SCFD2: variants seen among roughly 807,000 people sequenced by gnomAD.
SCFD2 encodes the protein sec1 family domain-containing protein 2.
SCFD2 carries 54 observed loss-of-function variants against 58.9 expected under a neutral mutation model. That is an observed-to-expected ratio of 0.92 (90% CI 0.74 to 1.15). SCFD2 has a LOEUF of 1.15. Ranked by LOEUF, SCFD2 falls within the 50% of genes most tolerant of loss-of-function variation. The probability of loss-of-function intolerance (pLI) is 0.00; values close to 1 mark genes in which losing one functional copy is unlikely to be tolerated. For synonymous variants in SCFD2, 321 were observed against 335.9 expected, an observed-to-expected ratio of 0.96 and a Z score of 0.49; for missense variants, 805 against 836.6, an observed-to-expected ratio of 0.96 and a Z score of 0.47.
intron 2 of SCFD2, among the ~76,000 whole-genome samples, chr4:53,337,538 C>G (rs188184648): frequency 1.3e-5 from 2 of 152,210 alleles, no homozygotes; most frequent in African/African-American, 4.8e-5. Flanking sequence ...TGACATGTAT[C>G]AACCCATTTC....
Position 52,970,085 on chromosome 4 carries a change from C to T in SCFD2, c.1562-49215G>A, listed in dbSNP as rs186865944. Among the ~76,000 whole-genome samples the T allele has an allele frequency of 9.2e-5, 14 of 152,284 alleles. No individual in the cohort carries two copies. In the East Asian group the frequency reaches 1.2e-3, roughly 13 times the overall value. ...AACAACTCCAGTCTACAGCTCCCAG[C>T]GTGAGCGACACAGAAGACAGGTGAT... On this transcript the variant is annotated intron_variant, in intron 5 of 8. Transcript: ENST00000401642.
intron 5 of SCFD2, among the ~76,000 whole-genome samples, chr4:52,986,038 C>A (rs992174173): frequency 6.6e-6 from 1 of 151,962 alleles, no homozygotes; most frequent in African/African-American, 2.4e-5. Context: ...TTGCACCTGT[C>A]CCCCTGTGAC....
At chr4:53,248,387 G>C (rs1730195760) in intron 4 of SCFD2, among the ~76,000 whole-genome samples, 1 of 152,224 alleles carries the variant, frequency 6.6e-6, no homozygotes, top group South Asian at 2.1e-4. Context: ...AGTAAACAAA[G>C]CAGCCAGGAA....
At chr4:52,932,376 C>T (rs1379928177) in intron 5 of SCFD2, among the ~76,000 whole-genome samples, 5 of 152,208 alleles carry the variant, frequency 3.3e-5, no homozygotes, top group Non-Finnish European at 5.9e-5. Context: ...CAAGTCATGG[C>T]ATACTTAAAA....
intron 5 of SCFD2, among the ~76,000 whole-genome samples, chr4:52,935,156 T>C (rs1384727959): frequency 6.6e-6 from 1 of 152,154 alleles, no homozygotes; most frequent in Non-Finnish European, 1.5e-5. Flanking sequence ...TTACAATGAA[T>C]TGGAACTTCC....
rs564385882 is a variant in SCFD2, at chr4:53,098,528, G to C, written c.1561+46805C>G. 8.5e-5 allele frequency among the ~76,000 whole-genome samples: 13 copies of C among 152,108 alleles called. 1 individual carries two copies. The highest frequency in any genetic ancestry group is 4.2e-4 in the South Asian group (2 of 4,806). ...AGAGGTGTTTATAGTATTCTCTGAC[G>C]GTAGTTTGTATTTCTGTGGGATTGG... On this transcript the variant is annotated intron_variant, in intron 5 of 8. Transcript: ENST00000401642.
At chr4:53,170,279 T>G (rs555621970) in intron 4 of SCFD2, among the ~76,000 whole-genome samples, 22 of 152,340 alleles carry the variant, frequency 1.4e-4, no homozygotes, top group African/African-American at 5.0e-4. Flanking sequence ...CACCTTTAAT[T>G]GAAGACACCA....
At chr4:52,914,567 TC>T (rs1719559612) in intron 6 of SCFD2, among the ~76,000 whole-genome samples, 1 of 152,052 alleles carries the variant, frequency 6.6e-6, no homozygotes, top group Admixed American at 6.6e-5. Flanking sequence ...GGAGCTACTT[TC>T]CTGTCTCGGG....
At chr4:53,275,780 T>A (rs1731308333) in intron 3 of SCFD2, among the ~76,000 whole-genome samples, 1 of 152,226 alleles carries the variant, frequency 6.6e-6, no homozygotes, top group African/African-American at 2.4e-5. Flanking sequence ...TCACATAGTA[T>A]GTAGCCATTT....
intron 5 of SCFD2, among the ~76,000 whole-genome samples, chr4:53,049,404 C>A (rs990917214): frequency 1.3e-5 from 2 of 152,178 alleles, no homozygotes; most frequent in African/African-American, 4.8e-5. Flanking sequence ...TAGTGCATAC[C>A]ATGTGCTATT....
chr4:52,878,341 A>G (rs1718529584), intron 8 of SCFD2, among the ~76,000 whole-genome samples: 1 of 152,202 alleles, frequency 6.6e-6, no homozygotes, highest in African/African-American at 2.4e-5. Context: ...AGATGCTCAG[A>G]CAGCTCCAGG....
intron 4 of SCFD2, among the ~76,000 whole-genome samples, chr4:53,220,087 A>C: frequency 1.3e-5 from 2 of 151,890 alleles, no homozygotes; most frequent in East Asian, 1.9e-4. Context: ...TCAAGTCTCC[A>C]CTCAAATATC....
At chr4:53,066,854 C>G (rs1163838356) in intron 5 of SCFD2, among the ~76,000 whole-genome samples, 1 of 152,028 alleles carries the variant, frequency 6.6e-6, no homozygotes, top group East Asian at 1.9e-4. Flanking sequence ...GCACTTGTCA[C>G]AGCAGCAACT....
chr4:52,988,230 A>T (rs554898788), intron 5 of SCFD2, among the ~76,000 whole-genome samples: 1 of 152,320 alleles, frequency 6.6e-6, no homozygotes, highest in East Asian at 1.9e-4. Flanking sequence ...CCGAGTTTTG[A>T]CTATGACATG....
intron 2 of SCFD2, among the ~76,000 whole-genome samples, chr4:53,317,349 A>G (rs1216675239): frequency 6.6e-6 from 1 of 152,062 alleles, no homozygotes; most frequent in Admixed American, 6.6e-5. Context: ...TCACCAAGTC[A>G]CTCTATTACT....
intron 5 of SCFD2, among the ~76,000 whole-genome samples, chr4:52,975,001 C>T (rs1169793623): frequency 1.3e-5 from 2 of 152,150 alleles, no homozygotes; most frequent in Non-Finnish European, 2.9e-5. Context: ...CTTCCTTACA[C>T]CTTATACAAA....
At chr4:53,334,001 T>C (rs973495134) in intron 2 of SCFD2, among the ~76,000 whole-genome samples, 1 of 151,012 alleles carries the variant, frequency 6.6e-6, no homozygotes, top group Non-Finnish European at 1.5e-5. Context: ...CATGAAAAAA[T>C]GCTCATTATC....
intron 5 of SCFD2, among the ~76,000 whole-genome samples, chr4:53,139,006 G>C (rs1189222566): frequency 1.3e-5 from 2 of 152,130 alleles, no homozygotes; most frequent in Non-Finnish European, 2.9e-5. Flanking sequence ...AAGTGCCTGG[G>C]ATTGCAGGTG....
intron 5 of SCFD2, among the ~76,000 whole-genome samples, chr4:53,050,564 G>A (rs1723163029): frequency 6.6e-6 from 1 of 152,174 alleles, no homozygotes; most frequent in African/African-American, 2.4e-5. Flanking sequence ...GGGAGGCTAT[G>A]AAGAAAGAAC....
Sources: allele counts gnomAD v4.1 joint callset (sites outside exome capture counted in the v4.1 genomes callset), GRCh38; gene constraint gnomAD v4.1.1; transcripts MANE v1.5; gene names NCBI Gene and HGNC (gene_info 2026-07-23, HGNC 2026-07-21).